CSMD1: variants seen among roughly 807,000 people sequenced by gnomAD.
CSMD1 encodes CUB and Sushi multiple domains 1, also known as CUB and sushi domain-containing protein 1.
Under a neutral mutation model 417.5 loss-of-function variants are expected in CSMD1, and 213 were observed. The ratio of observed to expected loss-of-function variants is 0.51; its 90% CI spans 0.46 to 0.57. CSMD1 has a LOEUF of 0.57. Among genes scored for constraint, CSMD1 ranks in the 20% least tolerant of loss-of-function variants. CSMD1 has a pLI of 0.00. For missense variants in CSMD1, 6,923 were observed against 4,529.7 expected (o/e 1.53, Z -15.17); for synonymous variants, 2,862 against 1,736.8 (o/e 1.65, Z -16.11).
intron 50 of CSMD1, among the ~76,000 whole-genome samples, chr8:3,048,049 C>T (rs1003288333): frequency 1.3e-5 from 2 of 152,162 alleles, no homozygotes; most frequent in Non-Finnish European, 2.9e-5. Flanking sequence ...AAGGGTAACA[C>T]ATCATTGCTT....
intron 25 of CSMD1, among the ~76,000 whole-genome samples, chr8:3,298,222 C>T (rs1804116556): frequency 6.6e-6 from 1 of 152,160 alleles, no homozygotes; most frequent in African/African-American, 2.4e-5. Flanking sequence ...CCCAGCAATT[C>T]CTGGCCTCAG....
chr8:3,579,638 C>T (rs940533465), intron 9 of CSMD1, among the ~76,000 whole-genome samples: 1 of 152,188 alleles, frequency 6.6e-6, no homozygotes, highest in African/African-American at 2.4e-5. Flanking sequence ...AACTTCCTTT[C>T]CTTCACCACA....
At chr8:4,203,053 G>C (rs1197981475) in intron 3 of CSMD1, among the ~76,000 whole-genome samples, 1 of 152,206 alleles carries the variant, frequency 6.6e-6, no homozygotes, top group Non-Finnish European at 1.5e-5. Context: ...TGACAGGTGT[G>C]AGAGTTAAGG....
chr8:4,136,382 C>G (rs1803437058), intron 3 of CSMD1, among the ~76,000 whole-genome samples: 1 of 152,136 alleles, frequency 6.6e-6, no homozygotes, highest in South Asian at 2.1e-4. Flanking sequence ...TGCCTGCCTG[C>G]AACTTGACTG....
chr8:3,307,949 C>G (rs10089504), intron 24 of CSMD1, 128 bp from the exon 25 acceptor site: 8 of 1,018,174 alleles, frequency 7.9e-6, no homozygotes, highest in South Asian at 7.0e-5. Context: ...ACCATCATCT[C>G]TCTCTCCTGA....
intron 3 of CSMD1, among the ~76,000 whole-genome samples, chr8:4,210,749 G>A (rs958117165): frequency 6.6e-6 from 1 of 152,030 alleles, no homozygotes; most frequent in Non-Finnish European, 1.5e-5. Context: ...TCAACATACT[G>A]AAATATGAAA....
At chr8:3,378,027 G>C (rs1295190535) in intron 18 of CSMD1, among the ~76,000 whole-genome samples, 2 of 152,140 alleles carry the variant, frequency 1.3e-5, no homozygotes, top group African/African-American at 4.8e-5. Flanking sequence ...AGTGTGACCT[G>C]GTCTTGGAGG....
At chr8:3,632,348 C>T (rs1214583208) in intron 7 of CSMD1, among the ~76,000 whole-genome samples, 4 of 149,894 alleles carry the variant, frequency 2.7e-5, no homozygotes, top group South Asian at 2.1e-4. Context: ...GCCCTGACAC[C>T]CCCCCATCCC....
intron 2 of CSMD1, among the ~76,000 whole-genome samples, chr8:4,534,997 G>C (rs961821678): frequency 6.6e-6 from 1 of 152,108 alleles, no homozygotes; most frequent in Non-Finnish European, 1.5e-5. Flanking sequence ...TCCTGACCTC[G>C]TGATCTGCCT....
chr8:3,308,430 A>G lies in CSMD1; in HGVS notation c.3705T>C (p.Phe1235=). 1.2e-6 allele frequency: 2 copies of G among 1,613,840 alleles called. No homozygotes were observed. The highest frequency in any genetic ancestry group is 1.7e-6 in the Non-Finnish European group (2 of 1,179,828). The part of the protein sequence containing the change: ...YGYRIRDEGH[F]TDTVVLYSCN... ...AACTGTACAGAACTACAGTGTCGGT[A>G]AAGTGGCCTTCATCACGGATCCTAT... Residue 1235 remains phenylalanine, a synonymous_variant, in exon 24 of 70, where the codon TTT becomes TTC. Transcript: ENST00000635120.
intron 1 of CSMD1, among the ~76,000 whole-genome samples, chr8:4,968,228 T>A (rs1398052405): frequency 1.3e-5 from 2 of 149,530 alleles, no homozygotes; most frequent in East Asian, 1.9e-4. Context: ...TTTTGATTCA[T>A]TTTTAAAAAT....
At chr8:3,552,731 T>G (rs1563146621) in intron 10 of CSMD1, among the ~76,000 whole-genome samples, 1 of 152,202 alleles carries the variant, frequency 6.6e-6, no homozygotes, top group Non-Finnish European at 1.5e-5. Flanking sequence ...CTACGTAAAG[T>G]ATGCTTTTAG....
At chr8:3,812,861 C>A (rs1801160333) in intron 5 of CSMD1, among the ~76,000 whole-genome samples, 1 of 152,144 alleles carries the variant, frequency 6.6e-6, no homozygotes. Flanking sequence ...CCTGAATTGG[C>A]CAACGAGGAC....
rs548754102 is a variant in CSMD1 at position 4,419,807 on chromosome 8, T to C, written c.415+146A>G. The C allele has an allele frequency of 5.7e-4, 293 of 512,162 alleles. 2 individuals are homozygous for C. In the Admixed American group the frequency reaches 7.9e-3, roughly 14 times the overall value. 31.7% of individuals were successfully genotyped at this position (512,162 alleles called of 1,614,324 possible). On this transcript the variant is annotated intron_variant, in intron 3 of 69. Coordinates refer to ENST00000635120, the MANE Select transcript of CSMD1 (RefSeq NM_033225.6). ...TGGCGATTATAACAGTGTTACCAAA[T>C]GCCATTGCATTACACAGAAGCCAAA... is the stretch of plus-strand genomic sequence containing the variant.
chr8:4,463,767 G>A (rs1463167868), intron 2 of CSMD1, among the ~76,000 whole-genome samples: 2 of 152,108 alleles, frequency 1.3e-5, no homozygotes, highest in African/African-American at 4.8e-5. Context: ...TAGTGAGTGG[G>A]TACTAATGGA....
At chr8:4,208,160 G>C (rs1800092980) in intron 3 of CSMD1, among the ~76,000 whole-genome samples, 1 of 152,114 alleles carries the variant, frequency 6.6e-6, no homozygotes, top group Non-Finnish European at 1.5e-5. Flanking sequence ...ACATATTGTG[G>C]AGGCTAAGGT....
At chr8:3,301,448 G>C (rs770168018) in intron 25 of CSMD1, among the ~76,000 whole-genome samples, 1 of 152,154 alleles carries the variant, frequency 6.6e-6, no homozygotes, top group Admixed American at 6.5e-5. Context: ...TATTAGTACA[G>C]AAGGAAGGTA....
chr8:4,484,263 C>T (rs1801250087), intron 2 of CSMD1, among the ~76,000 whole-genome samples: 1 of 150,154 alleles, frequency 6.7e-6, no homozygotes, highest in Admixed American at 6.6e-5. Context: ...GGATTTTCTT[C>T]TAGGAACAAG....
rs149052724 is a variant in CSMD1 at position 4,173,175 on chromosome 8, T to C, written c.416-141076A>G. On this transcript the variant is annotated intron_variant, in intron 3 of 69. Transcript: ENST00000635120. ...GATTGATTATAATAGCGCATAAAAA[T>C]ACAGGATGCTCAATTAAAAGTGAAT... Among the ~76,000 whole-genome samples the C allele has an allele frequency of 1.6e-4, 25 of 152,240 alleles. 1 individual carries two copies. Among genetic ancestry groups the C allele is most frequent in the African/African-American group, 5.5e-4 (23 of 41,520 alleles).
Sources: gnomAD v4.1 joint callset for allele counts (sites outside exome capture counted in the v4.1 genomes callset) on GRCh38, gnomAD v4.1.1 for gene constraint, MANE v1.5 for transcripts, NCBI Gene and HGNC (gene_info 2026-07-23, HGNC 2026-07-21) for gene names.